NEK6: variants seen among roughly 807,000 people sequenced by gnomAD.
NEK6 encodes serine/threonine-protein kinase Nek6.
NEK6 carries 27 observed loss-of-function variants against 43.5 expected under a neutral mutation model. The ratio of observed to expected loss-of-function variants is 0.62; its 90% CI spans 0.46 to 0.86. The LOEUF (loss-of-function observed/expected upper bound fraction) is 0.86, where lower values mean the gene tolerates loss of function less well. NEK6 is among the 40% of genes least tolerant of loss of function. The probability of loss-of-function intolerance (pLI) is 0.00; values close to 1 mark genes in which losing one functional copy is unlikely to be tolerated. For missense variants in NEK6, 318 were observed against 414.4 expected (o/e 0.77, Z 2.02); for synonymous variants, 167 against 164.1 (o/e 1.02, Z -0.14).
chr9:124,311,464 G>A (rs941789508), intron 2 of NEK6, among the ~76,000 whole-genome samples: 2 of 152,112 alleles, frequency 1.3e-5, no homozygotes, highest in Admixed American at 6.5e-5. Context: ...TCCTTCCCTG[G>A]CCCACTGTTG....
At chr9:124,303,580 TTG>T (rs1002160444) in intron 2 of NEK6, among the ~76,000 whole-genome samples, 26 of 152,128 alleles carry the variant, frequency 1.7e-4, no homozygotes, top group African/African-American at 6.3e-4. Context: ...GACACTATGT[TTG>T]TGTGTGTATC....
intron 1 of NEK6, among the ~76,000 whole-genome samples, chr9:124,284,587 C>T (rs1024967417): frequency 6.6e-6 from 1 of 152,238 alleles, no homozygotes; most frequent in Admixed American, 6.5e-5. Flanking sequence ...TAATGGGTTC[C>T]AGTGTCTTAA....
chr9:124,341,867 C>G (rs1043335765), intron 8 of NEK6, among the ~76,000 whole-genome samples: 1 of 152,178 alleles, frequency 6.6e-6, no homozygotes, highest in African/African-American at 2.4e-5. Flanking sequence ...GTGTAGGGCC[C>G]TGTGTGCCTG....
intron 5 of NEK6, 131 bp downstream of exon 5, chr9:124,321,700 C>T: frequency 1.6e-6 from 1 of 629,316 alleles, no homozygotes; most frequent in Non-Finnish European, 2.8e-6. Flanking sequence ...CCCTGGGCGC[C>T]CCCCTGCAGA....
intron 4 of NEK6, among the ~76,000 whole-genome samples, chr9:124,319,305 T>G (rs866253732): frequency 3.4e-5 from 5 of 148,662 alleles, no homozygotes; most frequent in African/African-American, 1.3e-4. Context: ...CTTTTTAATG[T>G]TTTGTTTTTT....
At chr9:124,280,649 G>A (rs565480403) in intron 1 of NEK6, among the ~76,000 whole-genome samples, 1 of 152,350 alleles carries the variant, frequency 6.6e-6, no homozygotes, top group Admixed American at 6.5e-5. Context: ...TGTTTGGAAA[G>A]CTATTCCTGG....
In NEK6 at chr9:124,301,949, G is replaced by GC; in HGVS notation, c.-16_-15insC. 1 of 1,587,592 alleles carries GC rather than the reference G, an allele frequency of 6.3e-7. No individual in the cohort carries two copies. Among genetic ancestry groups the GC allele is most frequent in the Non-Finnish European group, 8.6e-7 (1 of 1,166,264 alleles). ...TTTCTGTTGCAGTTCGTGCCCTCGT[G>GC]AGGCTGGCATGCAGGATGGCAGGAC... On this transcript the variant is annotated 5_prime_UTR_variant, in exon 2 of 10. Coordinates refer to ENST00000320246, the MANE Select transcript of NEK6 (RefSeq NM_014397.6).
intron 1 of NEK6, among the ~76,000 whole-genome samples, chr9:124,278,072 C>T (rs1307031392): frequency 6.6e-6 from 1 of 152,180 alleles, no homozygotes; most frequent in Non-Finnish European, 1.5e-5. Context: ...ATTATAATGC[C>T]ATCTTTTGAC....
chr9:124,320,599 ACAGT>A (rs1834018443), intron 4 of NEK6, among the ~76,000 whole-genome samples: 1 of 152,130 alleles, frequency 6.6e-6, no homozygotes, highest in African/African-American at 2.4e-5. Flanking sequence ...TTTGATATAA[ACAGT>A]CAGCTTTGTT....
At chr9:124,264,544 C>T (rs889245246) in intron 1 of NEK6, among the ~76,000 whole-genome samples, 9 of 152,184 alleles carry the variant, frequency 5.9e-5, no homozygotes, top group Non-Finnish European at 1.2e-4. Flanking sequence ...CAGGCTCATG[C>T]CTATAATCCC....
chr9:124,319,271 AC>A (rs1367281683), intron 4 of NEK6, among the ~76,000 whole-genome samples: 1 of 151,250 alleles, frequency 6.6e-6, no homozygotes, highest in Admixed American at 6.6e-5. Context: ...GGCGTGAGCC[AC>A]CATGTCCAGC....
At chr9:124,260,736 G>T (rs1447820241) in intron 1 of NEK6, among the ~76,000 whole-genome samples, 4 of 152,192 alleles carry the variant, frequency 2.6e-5, no homozygotes, top group Non-Finnish European at 5.9e-5. Context: ...TGTGTGCTAG[G>T]TCTGGTGCTG....
intron 8 of NEK6, among the ~76,000 whole-genome samples, chr9:124,345,125 G>A (rs1028290021): frequency 6.6e-6 from 1 of 152,204 alleles, no homozygotes; most frequent in African/African-American, 2.4e-5. Context: ...ATGTCACCCT[G>A]ATGACACCAG....
intron 1 of NEK6, among the ~76,000 whole-genome samples, chr9:124,295,326 A>C (rs1832634752): frequency 6.6e-6 from 1 of 152,196 alleles, no homozygotes; most frequent in African/African-American, 2.4e-5. Flanking sequence ...TGTCCCCTCC[A>C]GCTTGACAGG....
chr9:124,330,601 G>A (rs978320964), intron 7 of NEK6, among the ~76,000 whole-genome samples: 21 of 152,378 alleles, frequency 1.4e-4, no homozygotes, highest in Admixed American at 1.0e-3. Flanking sequence ...TCAGGTACTC[G>A]AGGTCACGGC....
chr9:124,341,617 G>A (rs1478201393), intron 8 of NEK6, among the ~76,000 whole-genome samples: 1 of 152,184 alleles, frequency 6.6e-6, no homozygotes, highest in Non-Finnish European at 1.5e-5. Context: ...AGTGTGTAGT[G>A]GATGGGGAAG....
At chr9:124,319,653 G>A (rs7023363) in intron 4 of NEK6, among the ~76,000 whole-genome samples, 4,040 of 152,258 alleles carry the variant, frequency 0.027, 180 homozygotes, top group African/African-American at 0.091. Flanking sequence ...TAGGGGTTCC[G>A]TTTCATTCTT....
chr9:124,291,543 T>C (rs1832418887), intron 1 of NEK6, among the ~76,000 whole-genome samples: 1 of 152,176 alleles, frequency 6.6e-6, no homozygotes. Context: ...GGAGAATCGC[T>C]TGAACCTCGG....
At chr9:124,268,633 C>T (rs898601484) in intron 1 of NEK6, among the ~76,000 whole-genome samples, 1 of 152,166 alleles carries the variant, frequency 6.6e-6, no homozygotes, top group South Asian at 2.1e-4. Flanking sequence ...TGTTCACAGG[C>T]CACGTGGTGA....
Sources: gnomAD v4.1 joint callset for allele counts (sites outside exome capture counted in the v4.1 genomes callset) on GRCh38, gnomAD v4.1.1 for gene constraint, MANE v1.5 for transcripts, NCBI Gene and HGNC (gene_info 2026-07-23, HGNC 2026-07-21) for gene names.